Variants in MINK1 observed in about 807,000 individuals in gnomAD.
MINK1 encodes misshapen like kinase 1.
Under a neutral mutation model 178.4 loss-of-function variants are expected in MINK1, and 46 were observed. The ratio of observed to expected loss-of-function variants is 0.26; its 90% CI spans 0.20 to 0.33. The LOEUF is 0.33. Among genes scored for constraint, MINK1 ranks in the 10% least tolerant of loss-of-function variants. MINK1 has a pLI of 1.00. For synonymous variants in MINK1, 797 were observed against 709.7 expected (o/e 1.12, Z -1.96); for missense variants, 1,366 against 1,814.9 (o/e 0.75, Z 4.49).
At chr17:4,880,958 T>C (rs1484574408) in intron 2 of MINK1, 26 bp from the exon 3 acceptor site, 3 of 1,467,800 alleles carry the variant, frequency 2.0e-6, no homozygotes, top group South Asian at 1.4e-5. Flanking sequence ...CCTCTGAGCA[T>C]AGACTCAGAT....
rs373553878 is a variant in MINK1, at chr17:4,896,251, A to T, written c.3524A>T (p.Gln1175Leu). 381 of 1,606,888 alleles carry T rather than the reference A, an allele frequency of 2.4e-4. No individual in the cohort carries two copies. Among genetic ancestry groups the T allele is most frequent in the Non-Finnish European group, 3.1e-4 (367 of 1,176,286 alleles). The change falls in exon 29 of 32, where the codon CAG (glutamine) becomes CTG (leucine). Residue 1175 changes from glutamine to leucine, a missense_variant. Around this residue, in one of 14 missense-constraint regions of MINK1, gnomAD observed 201 missense variants for 240.7 expected, o/e 0.84. Transcript: ENST00000355280. The surrounding 1 kb of genome is among the most constrained non-coding windows in gnomAD (Gnocchi z 4.6). ...LLVDLTVEEG[Q>L]RLKVIYGSSA... The stretch of plus-strand genomic sequence containing the variant: ...GTCGACCTGACAGTAGAGGAGGGGC[A>T]GCGGCTCAAGGTCATCTATGGCTCC...
At chr17:4,852,686 A>G (rs1424506477) in intron 1 of MINK1, among the ~76,000 whole-genome samples, 6 of 135,470 alleles carry the variant, frequency 4.4e-5, no homozygotes, top group African/African-American at 1.4e-4. Flanking sequence ...TCAGCTGTAC[A>G]GCAGTCATAT....
At position 4,864,031 on chromosome 17, in the gene MINK1, C is replaced by T. The variant is rs558675660; in HGVS notation, c.58-14286C>T. ...CTCAAACTTCTGACCTCAAATGATC[C>T]GCCTGCCTCGGCCTCCCAAAGTGCT... On this transcript the variant is annotated intron_variant, in intron 1 of 31. Coordinates refer to ENST00000355280, the MANE Select transcript of MINK1 (RefSeq NM_153827.5). 2.0e-4 allele frequency among the ~76,000 whole-genome samples: 31 copies of T among 151,994 alleles called. 1 individual carries two copies. In the South Asian group the frequency reaches 4.4e-3, roughly 21 times the overall value.
At chr17:4,844,570 C>A (rs746949142) in intron 1 of MINK1, 1 of 512,550 alleles carries the variant, frequency 2.0e-6, no homozygotes, top group Non-Finnish European at 3.9e-6. Context: ...GAGTGAGTGA[C>A]CTCAGCCTGA....
In MINK1 at chr17:4,891,224, A is replaced by ACACC. The variant is rs945250429; in HGVS notation, c.1740+101_1740+102insACCC. The ACACC allele has an allele frequency of 7.5e-6, 8 of 1,063,504 alleles. No individual in the cohort carries two copies. The South Asian group carries it at 1.0e-4, about 14-fold the overall frequency. The allele number at this position is 1,063,504 out of a possible 1,614,324, so 65.9% of individuals were successfully genotyped here. Reference sequence around the variant, plus strand: ...CGCACACACACACACACACACACACACCTGCTCAGCCGTGAGCCAGGATTA... The same window carrying ACACC: ...CGCACACACACACACACACACACACACACCCCTGCTCAGCCGTGAGCCAGGATTA... On this transcript the variant is annotated intron_variant, in intron 15 of 31. Coordinates refer to ENST00000355280, the MANE Select transcript of MINK1 (RefSeq NM_153827.5).
chr17:4,869,747 CTCT>C (rs958021014), intron 1 of MINK1, among the ~76,000 whole-genome samples: 2 of 141,132 alleles, frequency 1.4e-5, no homozygotes, highest in Non-Finnish European at 1.6e-5. Context: ...TTGGCAGCAT[CTCT>C]TTTTTTTTTT....
Position 4,833,759 on chromosome 17 carries a change from G to C in MINK1, c.57+119G>C, listed in dbSNP as rs1320559026. 1.0e-5 allele frequency: 8 copies of C among 783,098 alleles called. No homozygotes were observed. The highest frequency in any genetic ancestry group is 1.5e-5 in the Non-Finnish European group (8 of 532,906). 48.5% of individuals were successfully genotyped at this position (783,098 alleles called of 1,614,324 possible). On this transcript the variant is annotated intron_variant, in intron 1 of 31. Transcript: ENST00000355280. This position sits in a 1 kb window ranked among gnomAD's most constrained non-coding sequence, Gnocchi z 4.8. Reference sequence around the variant, plus strand: ...CCCCTCCACCAGCTTGGGTCCCCTTGGCGACCCGTGCCCCTTTCCCGGACT... The same window carrying C: ...CCCCTCCACCAGCTTGGGTCCCCTTCGCGACCCGTGCCCCTTTCCCGGACT...
In MINK1 at chr17:4,886,480, CAT is replaced by C; in HGVS notation, c.804_805del (p.Cys269SerfsTer34). On this transcript the variant is annotated frameshift_variant, in exon 10 of 32. Transcript: ENST00000355280. LOFTEE classifies it high-confidence loss of function. This position sits in a 1 kb window ranked among gnomAD's most constrained non-coding sequence, Gnocchi z 6.1. ...AAGAAGTTCATTGACTTCATTGACA[CAT>C]GTCTCATCAAGACTTACCTGAGCCG... 1 of 1,611,144 alleles carries C rather than the reference CAT, an allele frequency of 6.2e-7. No homozygotes were observed. Among genetic ancestry groups the C allele is most frequent in the Non-Finnish European group, 8.5e-7 (1 of 1,178,580 alleles).
At chr17:4,880,291 T>C (rs1239912374) in intron 2 of MINK1, among the ~76,000 whole-genome samples, 2 of 150,906 alleles carry the variant, frequency 1.3e-5, no homozygotes, top group Non-Finnish European at 2.9e-5. Context: ...TACTTGCTTT[T>C]TTTCTTTTCT....
intron 15 of MINK1, 76 bp downstream of exon 15, chr17:4,891,200 G>GCACA (rs3081308): frequency 0.065 from 64,735 of 999,616 alleles, 1,036 homozygotes; most frequent in East Asian, 0.22. Context: ...ACACACGCGC[G>GCACA]CACACACACA....
At chr17:4,859,314 T>C in intron 1 of MINK1, 6 of 985,322 alleles carry the variant, frequency 6.1e-6, no homozygotes, top group Non-Finnish European at 7.2e-6. Flanking sequence ...TTATGACTCA[T>C]CGGTCAGCAG....
chr17:4,867,971 CTT>C (rs552337563), intron 1 of MINK1, among the ~76,000 whole-genome samples: 10,645 of 142,274 alleles, frequency 0.075, 410 homozygotes, highest in Non-Finnish European at 0.097. Flanking sequence ...TCTTCTAGCT[CTT>C]TTTTTTTTTT....
intron 1 of MINK1, among the ~76,000 whole-genome samples, chr17:4,862,125 A>G (rs1006959807): frequency 5.9e-5 from 9 of 152,074 alleles, no homozygotes; most frequent in African/African-American, 1.9e-4. Context: ...GAAAGGTTAA[A>G]TAGAGATGTT....
rs1482363225 is a variant in MINK1, at chr17:4,844,290, C to T, written c.57+10650C>T. On this transcript the variant is annotated intron_variant, in intron 1 of 31. Coordinates refer to ENST00000355280, the MANE Select transcript of MINK1 (RefSeq NM_153827.5). ...TGCTGGGATTACAAATGTGAGCCAC[C>T]GTGCCCGGCCTGCCTGTTTTAATTG... 2.6e-5 allele frequency among the ~76,000 whole-genome samples: 4 copies of T among 152,248 alleles called. No individual in the cohort carries two copies. The South Asian group carries it at 6.2e-4, about 24-fold the overall frequency.
chr17:4,892,595 C>G, intron 18 of MINK1, 61 bp from the exon 19 acceptor site: 2 of 1,542,450 alleles, frequency 1.3e-6, no homozygotes, highest in Non-Finnish European at 1.8e-6. Flanking sequence ...TGCAGTGCAG[C>G]TCAGCACCCC....
intron 14 of MINK1, 27 bp downstream of exon 14, chr17:4,890,762 A>AG (rs1231906889): frequency 6.5e-7 from 1 of 1,539,448 alleles, no homozygotes; most frequent in East Asian, 2.5e-5. Context: ...TTGCCTCCTG[A>AG]GACTGCAGTC....
chr17:4,889,964 C>T lies in MINK1; in HGVS notation c.1347+201C>T, dbSNP rs551374905. The T allele has an allele frequency of 5.3e-4, 315 of 594,830 alleles. 1 individual carries two copies. The African/African-American group carries it at 5.4e-3, about 10-fold the overall frequency. The allele number at this position is 594,830 out of a possible 1,614,324, so 36.8% of individuals were successfully genotyped here. On this transcript the variant is annotated intron_variant, in intron 13 of 31. Coordinates refer to ENST00000355280, the MANE Select transcript of MINK1 (RefSeq NM_153827.5). ...CCCTCTTCCTTCCCTGCCTCATTCC[C>T]ATCTCTTTACCCCATCCCTGACTCC...
chr17:4,839,939 A>ATATGTGTGTG, intron 1 of MINK1, among the ~76,000 whole-genome samples: 1 of 141,994 alleles, frequency 7.0e-6, no homozygotes, highest in East Asian at 2.0e-4. Context: ...TTATTTATTA[A>ATATGTGTGTG]TGTGTGTGTG....
Position 4,897,303 on chromosome 17 carries a change from G to A in MINK1, c.*16G>A. ...GAACTGGTGACGGGGCCCTGGGCTG[G>A]GGCTGTCCCACACTGGACCCAGCTC... On this transcript the variant is annotated 3_prime_UTR_variant, in exon 32 of 32. Transcript: ENST00000355280. 1.2e-6 allele frequency: 2 copies of A among 1,612,314 alleles called. No individual in the cohort carries two copies. The highest frequency in any genetic ancestry group is 1.1e-5 in the South Asian group (1 of 90,970).
Sources: gnomAD v4.1 joint callset for allele counts (sites outside exome capture counted in the v4.1 genomes callset) on GRCh38, gnomAD v4.1.1 for gene constraint, gnomAD v4.1.1 regional missense constraint, Gnocchi (gnomAD v3.1) non-coding constraint, MANE v1.5 for transcripts, NCBI Gene and HGNC (gene_info 2026-07-23, HGNC 2026-07-21) for gene names.